CHD1: variants seen among roughly 807,000 people sequenced by gnomAD.
CHD1 encodes the protein ATP-dependent chromatin remodeler CHD1.
In CHD1, 36 loss-of-function variants were observed where a neutral mutation model predicts 224.2. That is an observed-to-expected ratio of 0.16 (90% CI 0.12 to 0.21). The LOEUF (loss-of-function observed/expected upper bound fraction) is 0.21. CHD1 is among the 10% of genes least tolerant of loss of function. The pLI, the probability that CHD1 is intolerant of heterozygous loss-of-function variation, is 1.00. For missense variants in CHD1, 1,378 were observed against 1,994.8 expected (o/e 0.69, Z 5.89); for synonymous variants, 668 against 658.3 (o/e 1.01, Z -0.23).
chr5:98,911,146 A>ATCTATATATATATATATATATATATAT, intron 2 of CHD1, among the ~76,000 whole-genome samples: 1 of 39,126 alleles, frequency 2.6e-5, no homozygotes, highest in East Asian at 6.9e-4. Flanking sequence ...AAAAAAAAAA[A>ATCTATATATATATATATATATATATAT]ATATATATAT....
At chr5:98,870,851 G>T (rs1165160998) in intron 28 of CHD1, 48 bp from the exon 29 acceptor site, 2 of 1,127,772 alleles carry the variant, frequency 1.8e-6, no homozygotes, top group Non-Finnish European at 1.3e-6. Context: ...AATAACATGA[G>T]AAATGTACTG....
chr5:98,868,939 A>G (rs1749110464), intron 30 of CHD1: 1 of 657,466 alleles, frequency 1.5e-6, no homozygotes, highest in Non-Finnish European at 1.9e-6. Flanking sequence ...AAGGGCTGAT[A>G]TGCAATTTAG....
Position 98,872,056 on chromosome 5 carries a change from G to A in CHD1, c.3856C>T (p.His1286Tyr). Residue 1286 changes from histidine to tyrosine, a missense_variant, in exon 28 of 36, where the codon CAC becomes TAC. Coordinates refer to ENST00000614616, the MANE Select transcript of CHD1 (RefSeq NM_001270.4). ...AATCAGAAATAGATAAATACCTTGT[G>A]TGTTAGACTGAGGTCAGGATCCATT... ...IKMDPDLSLT[H>Y]KILPDDPDKK... 1.9e-6 allele frequency: 3 copies of A among 1,610,022 alleles called. No individual in the cohort carries two copies. The highest frequency in any genetic ancestry group is 2.5e-6 in the Non-Finnish European group (3 of 1,177,300).
At chr5:98,881,252 CTT>C (rs11295695) in intron 21 of CHD1, 25 bp downstream of exon 21, 75,198 of 651,792 alleles carry the variant, frequency 0.12, 14 homozygotes, top group Middle Eastern at 0.13. Context: ...TGAGGCAGGC[CTT>C]TTTTTTTTTT....
chr5:98,928,167 C>T (rs894944870), intron 1 of CHD1, among the ~76,000 whole-genome samples: 4 of 151,938 alleles, frequency 2.6e-5, no homozygotes, highest in African/African-American at 9.7e-5. Context: ...CAGGCTCGCC[C>T]GAGCCGCCGC....
chr5:98,863,358 G>A (rs1417894797), intron 32 of CHD1, 50 bp downstream of exon 32: 29 of 970,758 alleles, frequency 3.0e-5, no homozygotes, highest in South Asian at 1.1e-4. Flanking sequence ...AAAAAAAAAA[G>A]ACAGTTATAT....
At chr5:98,917,535 A>G (rs1343783438) in intron 2 of CHD1, among the ~76,000 whole-genome samples, 1 of 152,226 alleles carries the variant, frequency 6.6e-6, no homozygotes, top group Non-Finnish European at 1.5e-5. Flanking sequence ...TCAATCATCT[A>G]AATAACTATC....
At chr5:98,906,211 T>C (rs1021163582) in intron 2 of CHD1, among the ~76,000 whole-genome samples, 1 of 152,162 alleles carries the variant, frequency 6.6e-6, no homozygotes, top group Admixed American at 6.5e-5. Flanking sequence ...TGAATAAGCA[T>C]TGTTGTGTTT....
Position 98,928,840 on chromosome 5 carries a change from C to A in CHD1, c.-450G>T. ...CCGCCGCCGCCGTCGCGCGCGCGCTCCCGCTCCCTCCGCTTATCTGCCCCC... is the reference window on the plus strand; with the variant it reads ...CCGCCGCCGCCGTCGCGCGCGCGCTACCGCTCCCTCCGCTTATCTGCCCCC... On this transcript the variant is annotated 5_prime_UTR_variant, in exon 1 of 36. Transcript: ENST00000614616. The A allele has an allele frequency of 6.3e-6, 1 of 159,712 alleles. No individual in the cohort carries two copies. Among genetic ancestry groups the A allele is most frequent in the Non-Finnish European group, 1.4e-5 (1 of 73,146 alleles). 9.9% of individuals were successfully genotyped at this position (159,712 alleles called of 1,614,324 possible).
intron 2 of CHD1, among the ~76,000 whole-genome samples, chr5:98,911,176 T>TATATATATATATATATATAG (rs1561540185): frequency 8.1e-6 from 1 of 122,974 alleles, no homozygotes; most frequent in South Asian, 2.6e-4. Context: ...TATATATATA[T>TATATATATATATATATATAG]AGAGGCATGT....
At position 98,881,965 on chromosome 5, in the gene CHD1, A is replaced by T. The variant is rs200519071; in HGVS notation, c.2867+10T>A. The T allele has an allele frequency of 1.8e-5, 29 of 1,606,934 alleles. No homozygotes were observed. The highest frequency in any genetic ancestry group is 3.5e-4 in the Middle Eastern group (2 of 5,714). ...CTAAAATGACATTTTTTTAATAATC[A>T]AGTAACCACCTTGATGGGGCAGAAC... On this transcript the variant is annotated intron_variant, in intron 20 of 35. Coordinates refer to ENST00000614616, the MANE Select transcript of CHD1 (RefSeq NM_001270.4).
chr5:98,888,604 T>A (rs1750806288), intron 16 of CHD1, among the ~76,000 whole-genome samples: 1 of 152,192 alleles, frequency 6.6e-6, no homozygotes. Context: ...AGCAAATGCA[T>A]TCTAATGTAT....
chr5:98,868,393 C>A (rs2112294136), intron 31 of CHD1, 102 bp downstream of exon 31: 29 of 639,510 alleles, frequency 4.5e-5, no homozygotes, highest in Non-Finnish European at 5.9e-5. Flanking sequence ...TATCAATCTA[C>A]AATAAATTCA....
At chr5:98,856,852 A>C (rs1748071411) in intron 35 of CHD1, 127 bp from the exon 36 acceptor site, 2 of 649,386 alleles carry the variant, frequency 3.1e-6, no homozygotes, top group Non-Finnish European at 5.1e-6. Flanking sequence ...TCAGTGTTGC[A>C]TTATAAAACT....
chr5:98,870,658 T>C, intron 29 of CHD1, 29 bp downstream of exon 29: 1 of 1,306,190 alleles, frequency 7.7e-7, no homozygotes, highest in Non-Finnish European at 1.1e-6. Context: ...AAAAGTAAAC[T>C]GGTCTTAGGC....
At chr5:98,863,641 C>T in intron 31 of CHD1, 55 bp from the exon 32 acceptor site, 1 of 1,165,810 alleles carries the variant, frequency 8.6e-7, no homozygotes. Context: ...CTAAATTCAA[C>T]AAGGTCTACC....
At chr5:98,873,539 T>C (rs1345116696) in intron 26 of CHD1, 54 bp downstream of exon 26, 2 of 1,404,214 alleles carry the variant, frequency 1.4e-6, no homozygotes, top group Non-Finnish European at 9.6e-7. Context: ...CAATAAAGCA[T>C]ATTTTGAAGC....
intron 2 of CHD1, among the ~76,000 whole-genome samples, chr5:98,910,910 T>G (rs186414429): frequency 5.9e-5 from 9 of 151,838 alleles, no homozygotes; most frequent in Admixed American, 2.0e-4. Flanking sequence ...GCAGATATCT[T>G]TTTTATTTAT....
intron 31 of CHD1, among the ~76,000 whole-genome samples, chr5:98,865,492 A>C (rs1748793047): frequency 6.6e-6 from 1 of 152,240 alleles, no homozygotes; most frequent in Admixed American, 6.5e-5. Context: ...CCCTGACAAT[A>C]GTCCTTTGCA....
Sources: gnomAD v4.1 joint callset for allele counts (sites outside exome capture counted in the v4.1 genomes callset) on GRCh38, gnomAD v4.1.1 for gene constraint, MANE v1.5 for transcripts, NCBI Gene and HGNC (gene_info 2026-07-23, HGNC 2026-07-21) for gene names.